The following EYS variants were observed in gnomAD, a reference collection of about 807,000 sequenced individuals.
EYS encodes the protein protein eyes shut homolog.
A neutral mutation model predicts 282.1 loss-of-function variants in EYS; 250 were observed. The observed-to-expected ratio is 0.89, with a 90% CI of 0.80 to 0.98. EYS has a LOEUF of 0.98. Ranked by LOEUF, EYS falls within the 50% of genes least tolerant of loss-of-function variation. The pLI, the probability that EYS is intolerant of heterozygous loss-of-function variation, is 0.00. For synonymous variants in EYS, 1,355 were observed against 1,282.9 expected, an observed-to-expected ratio of 1.06 and a Z score of -1.20; for missense variants, 4,016 against 3,709.0, an observed-to-expected ratio of 1.08 and a Z score of -2.15.
chr6:65,595,868 A>G (rs1415234945), intron 2 of EYS, among the ~76,000 whole-genome samples: 1 of 152,096 alleles, frequency 6.6e-6, no homozygotes, highest in Non-Finnish European at 1.5e-5. Flanking sequence ...TGAATGGAAA[A>G]TATCAGAAAT....
chr6:63,911,374 T>C (rs1363886866), intron 35 of EYS, among the ~76,000 whole-genome samples: 4 of 152,194 alleles, frequency 2.6e-5, no homozygotes, highest in Non-Finnish European at 5.9e-5. Flanking sequence ...GCCCTTATGC[T>C]CATTAAAAGT....
At chr6:63,898,049 C>T (rs1039561043) in intron 35 of EYS, among the ~76,000 whole-genome samples, 1 of 152,178 alleles carries the variant, frequency 6.6e-6, no homozygotes, top group African/African-American at 2.4e-5. Context: ...GGAGACTTTT[C>T]TGAAGTAGAC....
chr6:64,849,328 C>G (rs1037424353), intron 19 of EYS, among the ~76,000 whole-genome samples: 1 of 151,532 alleles, frequency 6.6e-6, no homozygotes, highest in East Asian at 1.9e-4. Flanking sequence ...TAAGACAATT[C>G]TACTAAAATA....
At chr6:63,815,980 A>G (rs1771168082) in intron 36 of EYS, among the ~76,000 whole-genome samples, 1 of 152,210 alleles carries the variant, frequency 6.6e-6, no homozygotes, top group African/African-American at 2.4e-5. Context: ...AGGGAAAACT[A>G]TAATTTTAAG....
chr6:64,206,678 G>T (rs971337976), intron 31 of EYS, among the ~76,000 whole-genome samples: 9 of 152,156 alleles, frequency 5.9e-5, no homozygotes, highest in Non-Finnish European at 2.9e-5. Flanking sequence ...TGTTACTGAT[G>T]CATGTTTCAC....
intron 33 of EYS, among the ~76,000 whole-genome samples, chr6:64,002,894 A>C (rs1768164520): frequency 6.6e-6 from 1 of 152,158 alleles, no homozygotes; most frequent in East Asian, 1.9e-4. Flanking sequence ...AATTTTGGAC[A>C]CTGAACATAT....
At chr6:65,262,281 C>T (rs1767641702) in intron 12 of EYS, among the ~76,000 whole-genome samples, 1 of 152,024 alleles carries the variant, frequency 6.6e-6, no homozygotes, top group Non-Finnish European at 1.5e-5. Flanking sequence ...ATATTTTTCT[C>T]AATACATTAC....
intron 26 of EYS, among the ~76,000 whole-genome samples, chr6:64,571,934 G>C (rs1281021693): frequency 6.6e-6 from 1 of 152,068 alleles, no homozygotes; most frequent in Non-Finnish European, 1.5e-5. Context: ...TATGAGGCCA[G>C]CATCATCCTG....
At chr6:64,462,942 A>ATTTTTT (rs58373990) in intron 26 of EYS, among the ~76,000 whole-genome samples, 1 of 105,926 alleles carries the variant, frequency 9.4e-6, no homozygotes, top group African/African-American at 3.5e-5. Context: ...CTCAGCTTTA[A>ATTTTTT]TTTTTTTTTT....
In EYS at chr6:65,039,522, G is replaced by A. The variant is rs191697258; in HGVS notation, c.2137+18092C>T. Among the ~76,000 whole-genome samples the A allele has an allele frequency of 4.1e-4, 62 of 151,280 alleles. No individual in the cohort carries two copies. The East Asian group carries it at 0.012, about 28-fold the overall frequency. The stretch of plus-strand genomic sequence containing the variant: ...TGTCAATTTTTAAAAAAAACTACTT[G>A]CATTAGAAGAGGGATTACATTGAAT... On this transcript the variant is annotated intron_variant, in intron 13 of 42. Coordinates refer to ENST00000503581, the MANE Select transcript of EYS (RefSeq NM_001142800.2).
At chr6:64,741,986 T>C (rs575893063) in intron 22 of EYS, among the ~76,000 whole-genome samples, 57 of 152,298 alleles carry the variant, frequency 3.7e-4, no homozygotes, top group African/African-American at 1.3e-3. Context: ...AAATATTTTT[T>C]TTTATTTGCA....
intron 33 of EYS, among the ~76,000 whole-genome samples, chr6:64,026,389 C>A (rs1213079079): frequency 2.0e-5 from 3 of 152,092 alleles, no homozygotes; most frequent in African/African-American, 4.8e-5. Context: ...ACAGGATCAC[C>A]CTTGAAATGC....
chr6:64,312,643 T>G (rs969024994), intron 29 of EYS, among the ~76,000 whole-genome samples: 3 of 152,154 alleles, frequency 2.0e-5, no homozygotes, highest in Admixed American at 1.3e-4. Context: ...CTGGCTGGCA[T>G]CTGGCTGGTT....
intron 24 of EYS, among the ~76,000 whole-genome samples, chr6:64,598,144 T>C (rs1219165676): frequency 6.6e-6 from 1 of 152,118 alleles, no homozygotes; most frequent in Non-Finnish European, 1.5e-5. Context: ...CCATAATGGA[T>C]ACAGAATGCA....
intron 12 of EYS, among the ~76,000 whole-genome samples, chr6:65,186,220 A>T (rs1406020831): frequency 6.6e-6 from 1 of 151,794 alleles, no homozygotes; most frequent in Non-Finnish European, 1.5e-5. Context: ...ACAAAAATTG[A>T]AGATGGGAAT....
intron 22 of EYS, among the ~76,000 whole-genome samples, chr6:64,703,985 C>T (rs1296687246): frequency 6.6e-6 from 1 of 151,898 alleles, no homozygotes; most frequent in Admixed American, 6.6e-5. Flanking sequence ...CAATGTGGTT[C>T]CATATGTCTC....
chr6:65,268,431 T>C (rs1767813962), intron 12 of EYS, among the ~76,000 whole-genome samples: 1 of 152,090 alleles, frequency 6.6e-6, no homozygotes, highest in Non-Finnish European at 1.5e-5. Context: ...ATAGTTATGA[T>C]GTTTAGATAT....
At chr6:65,656,745 G>A (rs541941305) in intron 1 of EYS, among the ~76,000 whole-genome samples, 1 of 152,038 alleles carries the variant, frequency 6.6e-6, no homozygotes, top group African/African-American at 2.4e-5. Flanking sequence ...GCTGCAGCAA[G>A]TTATTCAGAA....
At chr6:63,782,936 T>A (rs1770271522) in intron 39 of EYS, among the ~76,000 whole-genome samples, 1 of 151,932 alleles carries the variant, frequency 6.6e-6, no homozygotes, top group African/African-American at 2.4e-5. Context: ...AGCTTTTTTT[T>A]TTAAACTGCA....
Sources: gnomAD v4.1 joint callset for allele counts (sites outside exome capture counted in the v4.1 genomes callset) on GRCh38, gnomAD v4.1.1 for gene constraint, MANE v1.5 for transcripts, NCBI Gene and HGNC (gene_info 2026-07-23, HGNC 2026-07-21) for gene names.